MAP3K2: variants seen among roughly 807,000 people sequenced by gnomAD.
MAP3K2 encodes the protein MAP/ERK kinase kinase 2.
MAP3K2 carries 24 observed loss-of-function variants against 80.3 expected under a neutral mutation model. The observed-to-expected ratio is 0.30, with a 90% CI of 0.22 to 0.42. MAP3K2 has a LOEUF of 0.42. Ranked by LOEUF, MAP3K2 falls within the 10% of genes least tolerant of loss-of-function variation. The pLI is 1.00. For missense variants in MAP3K2, 608 were observed against 750.1 expected (o/e 0.81, Z 2.21); for synonymous variants, 244 against 253.7 (o/e 0.96, Z 0.36).
At position 127,300,058 on chromosome 2, in the gene MAP3K2, C is replaced by T. The variant is rs1397758874; in HGVS notation, c.*7521G>A. 1 of 151,962 alleles carries T rather than the reference C, an allele frequency of 6.6e-6. No homozygotes were observed. The highest frequency in any genetic ancestry group is 1.5e-5 in the Non-Finnish European group (1 of 67,936). 9.4% of individuals were successfully genotyped at this position (151,962 alleles called of 1,614,324 possible). ...AAAATTTTCTAATTTCTATTAATGT[C>T]GAACTCCTGAGTTCTTCAACAAAGA... On this transcript the variant is annotated 3_prime_UTR_variant, in exon 17 of 17. Transcript: ENST00000682094.
chr2:127,322,315 T>A lies in MAP3K2; in HGVS notation c.839-63A>T. On this transcript the variant is annotated intron_variant, in intron 11 of 16. Transcript: ENST00000682094. This position sits in a 1 kb window ranked among gnomAD's most constrained non-coding sequence, Gnocchi z 4.2. ...TAATATGTTATACTTTTAAAGTATTTAAAATTTGTAATGTAGAGAATAGAA... is the reference window on the plus strand; with the variant it reads ...TAATATGTTATACTTTTAAAGTATTAAAAATTTGTAATGTAGAGAATAGAA... 2 of 1,063,868 alleles carry A rather than the reference T, an allele frequency of 1.9e-6. No homozygotes were observed. Among genetic ancestry groups the A allele is most frequent in the Non-Finnish European group, 2.7e-6 (2 of 736,782 alleles). The allele number at this position is 1,063,868 out of a possible 1,614,324, so 65.9% of individuals were successfully genotyped here.
At chr2:127,328,192 T>C (rs977515242) in intron 7 of MAP3K2, among the ~76,000 whole-genome samples, 17 of 152,336 alleles carry the variant, frequency 1.1e-4, no homozygotes, top group African/African-American at 3.6e-4. Flanking sequence ...GGAGAATCAC[T>C]TGAACCCAGG....
At chr2:127,372,313 AG>A (rs1687079617) in intron 1 of MAP3K2, among the ~76,000 whole-genome samples, 9 of 152,180 alleles carry the variant, frequency 5.9e-5, no homozygotes, top group Admixed American at 5.9e-4. Flanking sequence ...ATGCCCAGAA[AG>A]GGGGAAAGGG....
Position 127,364,822 on chromosome 2 carries a change from T to C in MAP3K2, c.-65-21628A>G, listed in dbSNP as rs1686943912. On this transcript the variant is annotated intron_variant, in intron 1 of 16. Transcript: ENST00000682094. This position sits in a 1 kb window ranked among gnomAD's most constrained non-coding sequence, Gnocchi z 4.1. The stretch of plus-strand genomic sequence containing the variant: ...CAATCTCTTCTCATTACTACTGCAA[T>C]GACTACTAATAAAAGCTACTATTGA... Among the ~76,000 whole-genome samples, 1 of 152,012 alleles carries C rather than the reference T, an allele frequency of 6.6e-6. No individual in the cohort carries two copies. The highest frequency in any genetic ancestry group is 2.4e-5 in the African/African-American group (1 of 41,374).
intron 2 of MAP3K2, among the ~76,000 whole-genome samples, chr2:127,341,001 G>A (rs1380406432): frequency 2.6e-5 from 4 of 151,956 alleles, no homozygotes; most frequent in Non-Finnish European, 5.9e-5. Context: ...GACGGGGGAA[G>A]CAAGGGGAGA....
rs574304118 is a variant in MAP3K2 at position 127,352,079 on chromosome 2, G to C, written c.-65-8885C>G. On this transcript the variant is annotated intron_variant, in intron 1 of 16. Coordinates refer to ENST00000682094, the MANE Select transcript of MAP3K2 (RefSeq NM_001371910.2). ...TTCGGTAGAGACACGGTTTTGCTAT[G>C]TTGCCCAGTCTGGTCTTGAACTTCT... Among the ~76,000 whole-genome samples, 62 of 152,022 alleles carry C rather than the reference G, an allele frequency of 4.1e-4. 2 individuals are homozygous for C. The highest frequency in any genetic ancestry group is 1.4e-3 in the African/African-American group (58 of 41,392).
intron 15 of MAP3K2, among the ~76,000 whole-genome samples, chr2:127,309,754 G>A (rs920184532): frequency 4.6e-5 from 7 of 152,184 alleles, no homozygotes; most frequent in Middle Eastern, 6.8e-3. Context: ...CTCATAACGG[G>A]GGTTGTAAGT....
chr2:127,366,866 G>GTTTT (rs367670762), intron 1 of MAP3K2, among the ~76,000 whole-genome samples: 1,424 of 85,002 alleles, frequency 0.017, 48 homozygotes, highest in East Asian at 0.027. Flanking sequence ...ACAGTCAAGG[G>GTTTT]TTTTTTTTTT....
intron 4 of MAP3K2, among the ~76,000 whole-genome samples, chr2:127,337,350 G>A (rs1424982788): frequency 3.9e-5 from 6 of 152,134 alleles, no homozygotes; most frequent in Admixed American, 2.6e-4. Context: ...GAGGTCTCTT[G>A]AGAATAATCA....
In MAP3K2 at chr2:127,330,388, A is replaced by C; in HGVS notation, c.378+4T>G. On this transcript the variant is annotated splice_donor_region_variant and intron_variant, in intron 6 of 16. Coordinates refer to ENST00000682094, the MANE Select transcript of MAP3K2 (RefSeq NM_001371910.2). Reference sequence around the variant, plus strand: ...CTTACTGAAAAAAATATCCCAAATCATACCTGTGTACTTCCATTTATTACA... The same window carrying C: ...CTTACTGAAAAAAATATCCCAAATCCTACCTGTGTACTTCCATTTATTACA... The C allele has an allele frequency of 2.0e-6, 3 of 1,474,678 alleles. No homozygotes were observed. The highest frequency in any genetic ancestry group is 2.8e-6 in the Non-Finnish European group (3 of 1,068,862). The allele number at this position is 1,474,678 out of a possible 1,614,324, so 91.3% of individuals were successfully genotyped here. A position where few individuals can be genotyped will look rare whatever the true frequency, so the allele number is the denominator to read the frequency against.
intron 14 of MAP3K2, among the ~76,000 whole-genome samples, chr2:127,316,376 T>C (rs945249224): frequency 2.6e-5 from 4 of 152,080 alleles, no homozygotes; most frequent in African/African-American, 9.7e-5. Context: ...CATCTCAAAA[T>C]TAAACAAATA....
chr2:127,338,947 T>C lies in MAP3K2; in HGVS notation c.108A>G (p.Ser36=), dbSNP rs761506415. Residue 36 remains serine (S), a synonymous_variant, in exon 3 of 17, where the codon TCA becomes TCG. Transcript: ENST00000682094. The part of the protein sequence containing the change: ...SLQETRKAKS[S]SPKKQNDVRV... ...AAATAAATACCTGTTTTTTTGGTGA[T>C]GAAGATTTTGCTTTTCTGGTTTCCT... The C allele has an allele frequency of 1.9e-6, 3 of 1,607,018 alleles. No individual in the cohort carries two copies. Among genetic ancestry groups the C allele is most frequent in the South Asian group, 1.1e-5 (1 of 89,086 alleles).
rs1394692382 is a variant in MAP3K2 at position 127,314,779 on chromosome 2, A to G, written c.1431T>C (p.Asn477=). ...CTTTGATATCTCTATGGACAATCAT[A>G]TTACTGTGCAAATAATGGACACCCT... is the stretch of plus-strand genomic sequence containing the variant. ...ILEGVHYLHS[N]MIVHRDIKGA... is the part of the protein sequence containing the mutation. Residue 477 remains asparagine (N), a synonymous_variant, in exon 15 of 17, where the codon AAT becomes AAC. Transcript: ENST00000682094. 1.2e-6 allele frequency: 2 copies of G among 1,609,970 alleles called. No individual in the cohort carries two copies. Among genetic ancestry groups the G allele is most frequent in the South Asian group, 1.1e-5 (1 of 90,954 alleles).
intron 4 of MAP3K2, among the ~76,000 whole-genome samples, chr2:127,337,244 G>C (rs996657792): frequency 1.3e-5 from 2 of 152,066 alleles, no homozygotes; most frequent in Non-Finnish European, 2.9e-5. Flanking sequence ...CAGATACCAA[G>C]TAGAAGACTA....
chr2:127,373,754 ACTCT>A (rs1022352561), intron 1 of MAP3K2, among the ~76,000 whole-genome samples: 3 of 152,088 alleles, frequency 2.0e-5, no homozygotes, highest in East Asian at 3.9e-4. Flanking sequence ...GGACTAAAAC[ACTCT>A]CTCTCTATGT....
At chr2:127,372,388 C>G (rs1687080856) in intron 1 of MAP3K2, among the ~76,000 whole-genome samples, 1 of 152,136 alleles carries the variant, frequency 6.6e-6, no homozygotes, top group South Asian at 2.1e-4. Flanking sequence ...ACCAGAGACC[C>G]ATGATCACCT....
chr2:127,348,018 A>G (rs1408569196), intron 1 of MAP3K2, among the ~76,000 whole-genome samples: 1 of 152,164 alleles, frequency 6.6e-6, no homozygotes, highest in Admixed American at 6.5e-5. Flanking sequence ...AATTCAATGC[A>G]GCACTATTTA....
chr2:127,357,041 A>T (rs1686809414), intron 1 of MAP3K2, among the ~76,000 whole-genome samples: 1 of 152,212 alleles, frequency 6.6e-6, no homozygotes, highest in Non-Finnish European at 1.5e-5. Context: ...CAAAAATAAA[A>T]TAATCATCCC....
chr2:127,312,649 T>A (rs912025067), intron 15 of MAP3K2, among the ~76,000 whole-genome samples: 1 of 151,786 alleles, frequency 6.6e-6, no homozygotes, highest in African/African-American at 2.4e-5. Flanking sequence ...TGACAGAGGG[T>A]GACCCTGACT....
Sources: allele counts gnomAD v4.1 joint callset (sites outside exome capture counted in the v4.1 genomes callset), GRCh38; gene constraint gnomAD v4.1.1; non-coding constraint Gnocchi (gnomAD v3.1); transcripts MANE v1.5; gene names NCBI Gene and HGNC (gene_info 2026-07-23, HGNC 2026-07-21).